Variants in RBFOX1 observed in about 807,000 individuals in gnomAD.
The protein encoded by RBFOX1 is RNA binding fox-1 homolog 1.
Under a neutral mutation model 57.7 loss-of-function variants are expected in RBFOX1, and 8 were observed. The ratio of observed to expected loss-of-function variants is 0.14; its 90% confidence interval spans 0.08 to 0.25. The LOEUF is 0.25. Ranked by LOEUF, RBFOX1 falls within the 10% of genes least tolerant of loss-of-function variation. RBFOX1 has a pLI of 1.00. For synonymous variants in RBFOX1, 326 were observed against 222.4 expected, an observed-to-expected ratio of 1.47 and a Z score of -4.15; for missense variants, 611 against 548.5, an observed-to-expected ratio of 1.11 and a Z score of -1.14.
At chr16:7,114,269 C>T (rs925461634) in intron 4 of RBFOX1, among the ~76,000 whole-genome samples, 1 of 151,670 alleles carries the variant, frequency 6.6e-6, no homozygotes, top group Non-Finnish European at 1.5e-5. Context: ...TACTTGTGTA[C>T]ACATTTTGGA....
intron 3 of RBFOX1, among the ~76,000 whole-genome samples, chr16:5,724,563 C>G (rs1478040963): frequency 6.6e-6 from 1 of 152,198 alleles, no homozygotes; most frequent in Non-Finnish European, 1.5e-5. Flanking sequence ...TCTCTTCCCT[C>G]AAGCATAATC....
intron 3 of RBFOX1, among the ~76,000 whole-genome samples, chr16:6,877,032 A>C (rs2061971835): frequency 6.6e-6 from 1 of 152,224 alleles, no homozygotes; most frequent in South Asian, 2.1e-4. Context: ...ATTGTTTCTT[A>C]TTAAATATTC....
intron 3 of RBFOX1, among the ~76,000 whole-genome samples, chr16:6,670,756 G>T (rs751131461): frequency 6.6e-6 from 1 of 152,132 alleles, no homozygotes; most frequent in Non-Finnish European, 1.5e-5. Context: ...CCAGCACTCT[G>T]GGAGGCCGAG....
intron 3 of RBFOX1, among the ~76,000 whole-genome samples, chr16:6,824,749 T>C (rs2154279624): frequency 6.6e-6 from 1 of 152,208 alleles, no homozygotes; most frequent in East Asian, 1.9e-4. Context: ...AAAAGCTTTC[T>C]TTAAAAACTT....
At chr16:5,843,518 A>G (rs949537553) in intron 3 of RBFOX1, among the ~76,000 whole-genome samples, 11 of 152,138 alleles carry the variant, frequency 7.2e-5, no homozygotes, top group Non-Finnish European at 1.6e-4. Context: ...AACATTCCAT[A>G]TATGTTCCAC....
chr16:7,691,488 AAAGGAGG>A (rs532181526), intron 14 of RBFOX1, among the ~76,000 whole-genome samples: 2 of 152,014 alleles, frequency 1.3e-5, no homozygotes, highest in African/African-American at 4.8e-5. Flanking sequence ...AAAGAGGAAG[AAAGGAGG>A]AAGGAAAAAG....
chr16:5,764,351 T>C (rs1236186037), intron 3 of RBFOX1, among the ~76,000 whole-genome samples: 1 of 152,230 alleles, frequency 6.6e-6, no homozygotes, highest in Non-Finnish European at 1.5e-5. Context: ...AGGACAGGAC[T>C]CCTTTCTTCA....
chr16:5,298,435 C>G (rs1441427344), intron 1 of RBFOX1, among the ~76,000 whole-genome samples: 1 of 96,024 alleles, frequency 1.0e-5, no homozygotes, highest in Non-Finnish European at 2.0e-5. Flanking sequence ...CTCTCCCCTT[C>G]CCTCCCCTCC....
intron 4 of RBFOX1, among the ~76,000 whole-genome samples, chr16:7,307,976 T>C (rs1032475191): frequency 1.3e-5 from 2 of 152,224 alleles, no homozygotes; most frequent in African/African-American, 4.8e-5. Context: ...ATCTTCCACG[T>C]TCCAAAGTAA....
chr16:5,398,324 CAT>C (rs1467681433), intron 1 of RBFOX1, among the ~76,000 whole-genome samples: 16 of 151,584 alleles, frequency 1.1e-4, no homozygotes, highest in Admixed American at 2.0e-4. Flanking sequence ...TGCTCGTGTG[CAT>C]ATGTGTTCAT....
At chr16:7,410,830 C>CGT (rs56755477) in intron 4 of RBFOX1, among the ~76,000 whole-genome samples, 2,418 of 150,362 alleles carry the variant, frequency 0.016, 31 homozygotes, top group Non-Finnish European at 0.018. Context: ...TGAGTTTTCA[C>CGT]GTGTGTGTGT....
At chr16:7,164,068 A>G (rs778039379) in intron 4 of RBFOX1, among the ~76,000 whole-genome samples, 3 of 152,128 alleles carry the variant, frequency 2.0e-5, no homozygotes, top group Non-Finnish European at 4.4e-5. Context: ...ACTCTTCACT[A>G]AAGCAGTGTA....
intron 3 of RBFOX1, among the ~76,000 whole-genome samples, chr16:6,677,570 T>G (rs1051591273): frequency 6.6e-6 from 1 of 152,070 alleles, no homozygotes; most frequent in Non-Finnish European, 1.5e-5. Context: ...GGAAGCAGAG[T>G]AATGACTCAG....
chr16:6,164,732 C>T (rs1027941732), intron 1 of RBFOX1, among the ~76,000 whole-genome samples: 4 of 152,096 alleles, frequency 2.6e-5, no homozygotes, highest in Admixed American at 2.0e-4. Flanking sequence ...CCCCCCTTGG[C>T]CTTCCAAAGT....
At chr16:5,784,148 G>A (rs2054418013) in intron 3 of RBFOX1, among the ~76,000 whole-genome samples, 2 of 152,098 alleles carry the variant, frequency 1.3e-5, no homozygotes, top group African/African-American at 2.4e-5. Flanking sequence ...GCAGCCGGGC[G>A]CGGTGGCTCA....
chr16:5,493,809 C>G (rs1390629943), intron 2 of RBFOX1, among the ~76,000 whole-genome samples: 3 of 152,194 alleles, frequency 2.0e-5, no homozygotes, highest in African/African-American at 4.8e-5. Flanking sequence ...ACACTGGAGA[C>G]TGATTAAATC....
In RBFOX1 at chr16:5,651,405, T is replaced by C. The variant is rs375544335; in HGVS notation, c.318+52444T>C. ...CCTGGAGCAACCTGCAGAATGTTGGTTGGAGGACACAGGCGAGTGTCTCTG... is the reference window on the plus strand; with the variant it reads ...CCTGGAGCAACCTGCAGAATGTTGGCTGGAGGACACAGGCGAGTGTCTCTG... On this transcript the variant is annotated intron_variant, in intron 3 of 19. Coordinates refer to the RBFOX1 transcript ENST00000641259. Among the ~76,000 whole-genome samples, 6 of 152,074 alleles carry C rather than the reference T, an allele frequency of 3.9e-5. No homozygotes were observed. The East Asian group carries it at 1.2e-3, about 30-fold the overall frequency.
chr16:7,566,882 A>G (rs957558906), intron 5 of RBFOX1, among the ~76,000 whole-genome samples: 4 of 151,742 alleles, frequency 2.6e-5, no homozygotes, highest in African/African-American at 9.7e-5. Flanking sequence ...GTGTATGTGT[A>G]TTTTCCCCCC....
At chr16:7,112,923 A>C (rs2065106795) in intron 4 of RBFOX1, among the ~76,000 whole-genome samples, 1 of 152,120 alleles carries the variant, frequency 6.6e-6, no homozygotes, top group Non-Finnish European at 1.5e-5. Context: ...TTCTGGAAAG[A>C]ATGAAATCAG....
Sources: gnomAD v4.1 joint callset for allele counts (sites outside exome capture counted in the v4.1 genomes callset) on GRCh38, gnomAD v4.1.1 for gene constraint, MANE v1.5 for transcripts, NCBI Gene and HGNC (gene_info 2026-07-23, HGNC 2026-07-21) for gene names.